The following ZBTB46 variants were observed in gnomAD, a reference collection of about 807,000 sequenced individuals.
The protein encoded by ZBTB46 is zinc finger and BTB domain-containing protein 46.
A neutral mutation model predicts 44.1 loss-of-function variants in ZBTB46; 8 were observed. That is an observed-to-expected ratio of 0.18 (90% CI 0.11 to 0.33). The LOEUF (loss-of-function observed/expected upper bound fraction) is 0.33, where lower values mean the gene tolerates loss of function less well. ZBTB46 is among the 10% of genes least tolerant of loss of function. The pLI is 1.00. For missense variants in ZBTB46, 651 were observed against 847.7 expected (o/e 0.77, Z 2.88); for synonymous variants, 409 against 382.3 (o/e 1.07, Z -0.81).
chr20:63,810,646 A>G (rs1157472851), intron 1 of ZBTB46, among the ~76,000 whole-genome samples: 1 of 152,166 alleles, frequency 6.6e-6, no homozygotes, highest in East Asian at 1.9e-4. Context: ...CTAGGGAGGC[A>G]GAGGCAGGAG....
chr20:63,775,518 G>C lies in ZBTB46; in HGVS notation c.1222+160C>G, dbSNP rs1185938488. 4.2e-6 allele frequency: 4 copies of C among 952,816 alleles called. No individual in the cohort carries two copies. The African/African-American group carries it at 6.6e-5, about 16-fold the overall frequency. 59.0% of individuals were successfully genotyped at this position (952,816 alleles called of 1,614,324 possible). On this transcript the variant is annotated intron_variant, in intron 3 of 4. Transcript: ENST00000245663. ...CCCGTGCACCTGAGAGGCCAGTCCA[G>C]GCTGTGACGCCGCATCCTCACCTCC...
chr20:63,771,843 C>T (rs551732149), intron 3 of ZBTB46, among the ~76,000 whole-genome samples: 10 of 152,318 alleles, frequency 6.6e-5, no homozygotes, highest in African/African-American at 2.2e-4. Context: ...AGGGGCCACA[C>T]AGGATGCCAG....
chr20:63,799,448 G>T (rs575382754), intron 1 of ZBTB46, among the ~76,000 whole-genome samples: 2 of 152,074 alleles, frequency 1.3e-5, no homozygotes, highest in South Asian at 4.2e-4. Flanking sequence ...CTGGGTTCAA[G>T]CGATTCTTGT....
intron 3 of ZBTB46, chr20:63,769,354 C>T (rs1382955080): frequency 9.1e-6 from 9 of 985,258 alleles, no homozygotes; most frequent in Non-Finnish European, 1.1e-5. Flanking sequence ...TCTGTTCTGC[C>T]ATCAGCGACC....
chr20:63,796,181 T>G (rs2092602520), intron 1 of ZBTB46, among the ~76,000 whole-genome samples: 1 of 152,212 alleles, frequency 6.6e-6, no homozygotes, highest in South Asian at 2.1e-4. Context: ...CCTAAGGAGC[T>G]CTGCCCGGAA....
intron 1 of ZBTB46, among the ~76,000 whole-genome samples, chr20:63,804,445 T>G (rs186804149): frequency 1.1e-3 from 165 of 151,848 alleles, no homozygotes; most frequent in African/African-American, 3.6e-3. Flanking sequence ...GGACACAGCC[T>G]CCCCCTCCTC....
intron 1 of ZBTB46, among the ~76,000 whole-genome samples, chr20:63,810,450 C>G (rs1171180455): frequency 6.6e-6 from 1 of 152,154 alleles, no homozygotes; most frequent in Admixed American, 6.6e-5. Flanking sequence ...ACCCCCCTTC[C>G]CCTCGCAAAC....
chr20:63,777,755 T>C (rs2092437389), intron 2 of ZBTB46, among the ~76,000 whole-genome samples: 1 of 152,172 alleles, frequency 6.6e-6, no homozygotes. Flanking sequence ...AGTCCATCGA[T>C]GGACGAATGG....
At chr20:63,768,179 C>G (rs929714370) in intron 3 of ZBTB46, 10 of 930,308 alleles carry the variant, frequency 1.1e-5, no homozygotes, top group South Asian at 5.0e-5. Flanking sequence ...TATGCATTAA[C>G]AAAACATTAA....
At chr20:63,795,550 C>T (rs1406993377) in intron 1 of ZBTB46, among the ~76,000 whole-genome samples, 5 of 152,226 alleles carry the variant, frequency 3.3e-5, no homozygotes, top group Non-Finnish European at 5.9e-5. Context: ...GAGGTGGTCT[C>T]CACAGTGCAC....
chr20:63,828,535 G>T (rs1289826508), intron 1 of ZBTB46, among the ~76,000 whole-genome samples: 1 of 152,226 alleles, frequency 6.6e-6, no homozygotes, highest in East Asian at 1.9e-4. Context: ...ACCAGTAGAG[G>T]GAAGTATCAA....
At chr20:63,793,907 C>A (rs1040204552) in intron 1 of ZBTB46, among the ~76,000 whole-genome samples, 2 of 152,118 alleles carry the variant, frequency 1.3e-5, no homozygotes, top group African/African-American at 4.8e-5. Flanking sequence ...ATCTGTCAGG[C>A]CAGGCGCGGT....
At position 63,743,783 on chromosome 20, in the gene ZBTB46, C is replaced by G. The variant is rs541651635; in HGVS notation, c.*3147G>C. 6.6e-6 allele frequency: 1 copy of G among 152,466 alleles called. No individual in the cohort carries two copies. The highest frequency in any genetic ancestry group is 2.1e-4 in the South Asian group (1 of 4,824). 9.4% of individuals were successfully genotyped at this position (152,466 alleles called of 1,614,324 possible). On this transcript the variant is annotated 3_prime_UTR_variant, in exon 5 of 5. Coordinates refer to ENST00000245663, the MANE Select transcript of ZBTB46 (RefSeq NM_001369741.1). ...CCTAGGCAGAAACTTGGAGACTCAC[C>G]GCAGAGGCCACGTGAACCCACGGCC... is the stretch of plus-strand genomic sequence containing the variant.
rs1425335325 is a variant in ZBTB46, at chr20:63,744,481, CACAA to C, written c.*2445_*2448del. The C allele has an allele frequency of 2.6e-5, 4 of 152,076 alleles. No homozygotes were observed. The highest frequency in any genetic ancestry group is 9.7e-5 in the African/African-American group (4 of 41,326). The allele number at this position is 152,076 out of a possible 1,614,324, so 9.4% of individuals were successfully genotyped here. ...TTGTAAACACCAAAATACAAACAGA[CACAA>C]ACAAAAATACAAAATGTGAAATGTA... On this transcript the variant is annotated 3_prime_UTR_variant, in exon 5 of 5. Coordinates refer to ENST00000245663, the MANE Select transcript of ZBTB46 (RefSeq NM_001369741.1).
intron 1 of ZBTB46, among the ~76,000 whole-genome samples, chr20:63,826,955 T>A (rs1326475445): frequency 2.0e-5 from 3 of 152,118 alleles, no homozygotes; most frequent in Admixed American, 2.0e-4. Context: ...TATGACTCGC[T>A]CCACCAGGAC....
chr20:63,823,656 C>T (rs4809365), intron 1 of ZBTB46, among the ~76,000 whole-genome samples: 27,213 of 151,872 alleles, frequency 0.18, 2,955 homozygotes, highest in East Asian at 0.46. Context: ...CATGACTGTG[C>T]CACTGCACTC....
At chr20:63,801,875 C>T (rs1038682013) in intron 1 of ZBTB46, among the ~76,000 whole-genome samples, 4 of 152,184 alleles carry the variant, frequency 2.6e-5, no homozygotes, top group East Asian at 1.9e-4. Flanking sequence ...CCCAAGAGTT[C>T]GAGCTCATCA....
At chr20:63,760,956 A>G (rs942724633) in intron 3 of ZBTB46, among the ~76,000 whole-genome samples, 1 of 146,914 alleles carries the variant, frequency 6.8e-6, no homozygotes, top group Non-Finnish European at 1.5e-5. Context: ...TGCCAGCTAC[A>G]CTGTTGATTT....
intron 1 of ZBTB46, among the ~76,000 whole-genome samples, chr20:63,807,746 C>T (rs1423968967): frequency 6.6e-6 from 1 of 152,230 alleles, no homozygotes; most frequent in East Asian, 1.9e-4. Context: ...TGTACTAGGC[C>T]AAAACAAGCG....
Sources: gnomAD v4.1 joint callset for allele counts (sites outside exome capture counted in the v4.1 genomes callset) on GRCh38, gnomAD v4.1.1 for gene constraint, MANE v1.5 for transcripts, NCBI Gene and HGNC (gene_info 2026-07-23, HGNC 2026-07-21) for gene names.